Variants in SCAPER observed in about 807,000 individuals in gnomAD.
The protein encoded by SCAPER is S-phase cyclin A associated protein in the ER.
SCAPER carries 98 observed loss-of-function variants against 182.2 expected under a neutral mutation model. The ratio of observed to expected loss-of-function variants is 0.54; its 90% CI spans 0.46 to 0.64. SCAPER has a LOEUF of 0.64. Ranked by LOEUF, SCAPER falls within the 30% of genes least tolerant of loss-of-function variation. SCAPER has a pLI of 0.00. For synonymous variants in SCAPER, 605 were observed against 564.6 expected, an observed-to-expected ratio of 1.07 and a Z score of -1.01; for missense variants, 1,432 against 1,690.0, an observed-to-expected ratio of 0.85 and a Z score of 2.68.
intron 21 of SCAPER, among the ~76,000 whole-genome samples, chr15:76,631,376 T>C (rs1567649530): frequency 6.6e-6 from 1 of 152,222 alleles, no homozygotes; most frequent in Non-Finnish European, 1.5e-5. Context: ...TGTAGTTGCT[T>C]CATAATGTCA....
At chr15:76,425,601 C>A (rs2046365440) in intron 26 of SCAPER, among the ~76,000 whole-genome samples, 1 of 152,158 alleles carries the variant, frequency 6.6e-6, no homozygotes, top group African/African-American at 2.4e-5. Flanking sequence ...TGTCTGAAGC[C>A]TTCTTCTCTC....
intron 8 of SCAPER, among the ~76,000 whole-genome samples, chr15:76,783,531 T>C (rs1482989680): frequency 6.6e-6 from 1 of 152,204 alleles, no homozygotes; most frequent in Non-Finnish European, 1.5e-5. Context: ...TAACTCATTT[T>C]ATGAGGCCAG....
At chr15:76,637,223 ATTT>A (rs1266876007) in intron 21 of SCAPER, among the ~76,000 whole-genome samples, 1 of 151,910 alleles carries the variant, frequency 6.6e-6, no homozygotes, top group Non-Finnish European at 1.5e-5. Context: ...CCTCTATAAA[ATTT>A]TTGTTTGAAT....
At position 76,514,914 on chromosome 15, in the gene SCAPER, C is replaced by G. The variant is rs569233919; in HGVS notation, c.2839-9940G>C. On this transcript the variant is annotated intron_variant, in intron 23 of 31. Transcript: ENST00000563290. The stretch of plus-strand genomic sequence containing the variant: ...ATGATGCTCCTTGTTCTGTGTTTTT[C>G]CCTTACAAGCTTCCTAACTGCTGGC... 3.9e-5 allele frequency among the ~76,000 whole-genome samples: 6 copies of G among 152,282 alleles called. No individual in the cohort carries two copies. The South Asian group carries it at 1.2e-3, about 32-fold the overall frequency.
At chr15:76,893,126 T>C (rs2074249266) in intron 1 of SCAPER, among the ~76,000 whole-genome samples, 1 of 152,004 alleles carries the variant, frequency 6.6e-6, no homozygotes, top group Non-Finnish European at 1.5e-5. Context: ...AATTGAACAA[T>C]GAGAACACTT....
intron 25 of SCAPER, among the ~76,000 whole-genome samples, chr15:76,470,783 C>A (rs932847385): frequency 6.6e-6 from 1 of 152,112 alleles, no homozygotes; most frequent in Admixed American, 6.5e-5. Flanking sequence ...CTAACATAAT[C>A]TAAATATCCA....
rs2059121132 is a variant in SCAPER at position 76,704,210 on chromosome 15, C to T, written c.2248-1208G>A. 2.6e-5 allele frequency among the ~76,000 whole-genome samples: 4 copies of T among 152,110 alleles called. No individual in the cohort carries two copies. The South Asian group carries it at 8.3e-4, about 32-fold the overall frequency. On this transcript the variant is annotated intron_variant, in intron 18 of 31. Transcript: ENST00000563290. ...ATGCCTTCAAGTCATTAGTAAATTG[C>T]TTAGTAAAAACAGGAAATGTTAGAT... is the stretch of plus-strand genomic sequence containing the variant.
intron 15 of SCAPER, among the ~76,000 whole-genome samples, chr15:76,747,981 CTT>C (rs34827480): frequency 9.0e-4 from 126 of 140,258 alleles, no homozygotes; most frequent in Middle Eastern, 3.8e-3. Flanking sequence ...TATGGATATT[CTT>C]TTTTTTTTTT....
At chr15:76,402,355 G>A (rs1307416871) in intron 27 of SCAPER, among the ~76,000 whole-genome samples, 1 of 152,124 alleles carries the variant, frequency 6.6e-6, no homozygotes, top group African/African-American at 2.4e-5. Context: ...TCCAGAGAAC[G>A]TCCTGAGGCA....
At chr15:76,653,305 G>T (rs2055331959) in intron 21 of SCAPER, among the ~76,000 whole-genome samples, 1 of 152,118 alleles carries the variant, frequency 6.6e-6, no homozygotes, top group African/African-American at 2.4e-5. Flanking sequence ...GCAATTTACA[G>T]ATATAATGCT....
At chr15:76,544,084 T>C (rs189512267) in intron 23 of SCAPER, among the ~76,000 whole-genome samples, 118 of 152,196 alleles carry the variant, frequency 7.8e-4, no homozygotes, top group South Asian at 1.9e-3. Flanking sequence ...GAAAAGATAC[T>C]CAATATCATT....
intron 20 of SCAPER, among the ~76,000 whole-genome samples, chr15:76,689,072 T>A (rs1198607860): frequency 1.3e-5 from 2 of 151,760 alleles, no homozygotes; most frequent in Non-Finnish European, 2.9e-5. Flanking sequence ...ATGGTCTCGA[T>A]CTCCTGACCT....
intron 22 of SCAPER, among the ~76,000 whole-genome samples, chr15:76,613,797 C>G (rs970316117): frequency 6.6e-6 from 1 of 152,158 alleles, no homozygotes; most frequent in Non-Finnish European, 1.5e-5. Context: ...GAAATGCTTA[C>G]ACACTGTTGG....
At chr15:76,582,771 A>G (rs2048355766) in intron 22 of SCAPER, among the ~76,000 whole-genome samples, 1 of 152,240 alleles carries the variant, frequency 6.6e-6, no homozygotes, top group Admixed American at 6.5e-5. Flanking sequence ...AGTGGAATAC[A>G]ATAGAGAATC....
intron 17 of SCAPER, among the ~76,000 whole-genome samples, chr15:76,706,581 C>T (rs2059272893): frequency 6.6e-6 from 1 of 152,062 alleles, no homozygotes; most frequent in South Asian, 2.1e-4. Flanking sequence ...CCAAATCTTC[C>T]CATGCCGGCA....
chr15:76,352,701 C>T (rs571856783), intron 30 of SCAPER, among the ~76,000 whole-genome samples: 116 of 151,946 alleles, frequency 7.6e-4, no homozygotes, highest in African/African-American at 2.7e-3. Flanking sequence ...CTGCTCACCC[C>T]GGCCTCCCAA....
In SCAPER at chr15:76,434,200, G is replaced by A. The variant is rs1379501865; in HGVS notation, c.3189C>T (p.Cys1063=). The change falls in exon 26 of 32, where the codon TGC becomes TGT. Residue 1063 remains cysteine, a synonymous_variant. Coordinates refer to ENST00000563290, the MANE Select transcript of SCAPER (RefSeq NM_020843.4). ...LLKVSAVVLG[C]LIANRPDGNC... ...TTCCATCTGGTCGATTGGCAATCAGGCAGCCCAAAACCACAGCACTGACTT... is the reference window on the plus strand; with the variant it reads ...TTCCATCTGGTCGATTGGCAATCAGACAGCCCAAAACCACAGCACTGACTT... 1 of 1,613,848 alleles carries A rather than the reference G, an allele frequency of 6.2e-7. No homozygotes were observed. The highest frequency in any genetic ancestry group is 1.1e-5 in the South Asian group (1 of 91,080).
At chr15:76,620,828 G>T (rs2146087538) in intron 22 of SCAPER, among the ~76,000 whole-genome samples, 1 of 152,096 alleles carries the variant, frequency 6.6e-6, no homozygotes, top group Middle Eastern at 3.4e-3. Flanking sequence ...TTAGGGAGGG[G>T]AACAACACAT....
chr15:76,782,355 C>T (rs975490663), intron 8 of SCAPER, among the ~76,000 whole-genome samples: 4 of 152,018 alleles, frequency 2.6e-5, no homozygotes. Flanking sequence ...AATATATATG[C>T]ACCCAATACA....
Sources: allele counts gnomAD v4.1 joint callset (sites outside exome capture counted in the v4.1 genomes callset), GRCh38; gene constraint gnomAD v4.1.1; transcripts MANE v1.5; gene names NCBI Gene and HGNC (gene_info 2026-07-23, HGNC 2026-07-21).